The following TFR2 variants were observed in gnomAD, a reference collection of about 807,000 sequenced individuals.
TFR2 encodes the protein transferrin receptor 2.
TFR2 carries 64 observed loss-of-function variants against 91.9 expected under a neutral mutation model. The observed-to-expected ratio is 0.70, with a 90% CI of 0.57 to 0.86. The LOEUF (loss-of-function observed/expected upper bound fraction) is 0.86. TFR2 is among the 40% of genes least tolerant of loss of function. The pLI is 0.00. For missense variants in TFR2, 950 were observed against 1,080.5 expected (o/e 0.88, Z 1.69); for synonymous variants, 454 against 459.6 (o/e 0.99, Z 0.15).
At chr7:100,621,829 T>C (rs1803121504) in intron 17 of TFR2, among the ~76,000 whole-genome samples, 1 of 152,156 alleles carries the variant, frequency 6.6e-6, no homozygotes, top group African/African-American at 2.4e-5. Context: ...ACGGCCTTGC[T>C]CCTGACCTAA....
chr7:100,626,636 C>T, intron 17 of TFR2, 127 bp downstream of exon 17: 7 of 1,479,150 alleles, frequency 4.7e-6, no homozygotes, highest in Non-Finnish European at 6.3e-6. Flanking sequence ...GGGAAGAGAG[C>T]ATCCAGAGGA....
chr7:100,633,612 G>C, intron 3 of TFR2, 56 bp from the exon 4 acceptor site: 18 of 1,555,822 alleles, frequency 1.2e-5, no homozygotes, highest in Non-Finnish European at 1.6e-5. Flanking sequence ...GGAGGGAAGA[G>C]GGAAGGATGC....
intron 3 of TFR2, among the ~76,000 whole-genome samples, chr7:100,635,165 C>T (rs976815502): frequency 1.3e-5 from 2 of 151,982 alleles, no homozygotes; most frequent in African/African-American, 4.8e-5. Flanking sequence ...GTCTCAAACT[C>T]CTGGCCTCAG....
In TFR2 at chr7:100,631,031, G is replaced by A. The variant is rs1803417548; in HGVS notation, c.1128C>T (p.Ala376=). 1.9e-6 allele frequency: 3 copies of A among 1,592,936 alleles called. No individual in the cohort carries two copies. Reference sequence around the variant, plus strand: ...GGAGGCTCCCCTGCCATTCTTGGGGGGCCACAGGGCCTTTGAGCTTCCTGG... The same window carrying A: ...GGAGGCTCCCCTGCCATTCTTGGGGAGCCACAGGGCCTTTGAGCTTCCTGG... ...RLLRKLKGPV[A]PQEWQGSLLG... is the part of the protein sequence containing the mutation. Residue 376 remains alanine, a synonymous_variant, in exon 9 of 18, where the codon GCC becomes GCT. Coordinates refer to ENST00000223051, the MANE Select transcript of TFR2 (RefSeq NM_003227.4).
chr7:100,623,824 C>G (rs1336001559), intron 17 of TFR2, among the ~76,000 whole-genome samples: 1 of 137,080 alleles, frequency 7.3e-6, no homozygotes, highest in Non-Finnish European at 1.5e-5. Context: ...CTGAGGTGAG[C>G]AGATCACTTG....
Position 100,640,735 on chromosome 7 carries a change from C to A in TFR2, c.424G>T (p.Ala142Ser). The A allele has an allele frequency of 6.2e-7, 1 of 1,613,960 alleles. No homozygotes were observed. Among genetic ancestry groups the A allele is most frequent in the African/African-American group, 1.3e-5 (1 of 75,042 alleles). ...QGRLYWSDLQ[A>S]MFLQFLGEGR... is the part of the protein sequence containing the mutation. ...TCCCCCAGGAACTGCAGGAACATGG[C>A]CTGGAGGTCGCTCCAGTAGAGTCTG... The change falls in exon 3 of 18, where the codon GCC (alanine) becomes TCC (serine). Residue 142 changes from alanine to serine, a missense_variant. Transcript: ENST00000223051.
chr7:100,635,997 A>G (rs1319472657), intron 3 of TFR2, among the ~76,000 whole-genome samples: 2 of 152,160 alleles, frequency 1.3e-5, no homozygotes, highest in Non-Finnish European at 2.9e-5. Flanking sequence ...GTGGATTGTA[A>G]GCACCATGAG....
intron 17 of TFR2, among the ~76,000 whole-genome samples, chr7:100,625,059 CT>C (rs34968337): frequency 0.6 from 63,200 of 105,080 alleles, 17,529 homozygotes; most frequent in African/African-American, 0.73. Context: ...TTTTCTTTTT[CT>C]TTTTTTTTTT....
At chr7:100,631,644 GT>G (rs1262367204) in intron 8 of TFR2, 161 bp downstream of exon 8, 2 of 935,674 alleles carry the variant, frequency 2.1e-6, no homozygotes, top group Non-Finnish European at 3.1e-6. Flanking sequence ...AAAGGTCAGG[GT>G]CTCTCTGTCT....
At chr7:100,640,349 C>T (rs1281392095) in intron 3 of TFR2, 7 of 330,636 alleles carry the variant, frequency 2.1e-5, no homozygotes, top group East Asian at 1.8e-4. Flanking sequence ...AACCCCTCAG[C>T]GCTCCCTGCT....
intron 6 of TFR2, chr7:100,632,750 T>C: frequency 2.8e-6 from 1 of 357,474 alleles, no homozygotes; most frequent in Admixed American, 4.4e-5. Context: ...TTTTTTTTTT[T>C]TTTTTTTTTA....
chr7:100,634,203 C>CACAT (rs1049472016), intron 3 of TFR2, among the ~76,000 whole-genome samples: 6 of 127,906 alleles, frequency 4.7e-5, no homozygotes, highest in Non-Finnish European at 9.1e-5. Context: ...CACACACACA[C>CACAT]ACACACACAC....
At chr7:100,637,546 A>T (rs1803598883) in intron 3 of TFR2, among the ~76,000 whole-genome samples, 1 of 152,214 alleles carries the variant, frequency 6.6e-6, no homozygotes, top group Admixed American at 6.5e-5. Flanking sequence ...GTGAGCTAAG[A>T]TCATGCCACT....
At chr7:100,622,424 GC>G (rs1453901293) in intron 17 of TFR2, among the ~76,000 whole-genome samples, 1 of 152,186 alleles carries the variant, frequency 6.6e-6, no homozygotes, top group African/African-American at 2.4e-5. Context: ...CACTCATGTG[GC>G]CCATGGCTTT....
At chr7:100,626,498 G>T in intron 17 of TFR2, 1 of 1,346,016 alleles carries the variant, frequency 7.4e-7, no homozygotes, top group Non-Finnish European at 9.6e-7. Flanking sequence ...AGGGTGGATT[G>T]TCCCAGTTCT....
intron 17 of TFR2, among the ~76,000 whole-genome samples, chr7:100,625,043 TTTTC>T (rs1176991007): frequency 2.3e-5 from 3 of 129,894 alleles, no homozygotes; most frequent in East Asian, 4.6e-4. Context: ...TCATGCATCT[TTTTC>T]TTTTTCTTTT....
At chr7:100,632,807 G>A in intron 6 of TFR2, 194 bp downstream of exon 6, 1 of 737,510 alleles carries the variant, frequency 1.4e-6, no homozygotes, top group Non-Finnish European at 2.2e-6. Context: ...CTGGCCTCAA[G>A]CGATCCTCCT....
chr7:100,636,050 C>CTTAG (rs1803566343), intron 3 of TFR2, among the ~76,000 whole-genome samples: 1 of 152,094 alleles, frequency 6.6e-6, no homozygotes, highest in Admixed American at 6.6e-5. Context: ...CCACCACCTG[C>CTTAG]TTAGCTTAGT....
At chr7:100,633,149 C>T (rs372758419) in intron 5 of TFR2, 26 bp from the exon 6 acceptor site, 37 of 1,613,038 alleles carry the variant, frequency 2.3e-5, no homozygotes, top group Non-Finnish European at 2.9e-5. Context: ...CGGTGAGGCG[C>T]GCTCCCCGCG....
Sources: gnomAD v4.1 joint callset for allele counts (sites outside exome capture counted in the v4.1 genomes callset) on GRCh38, gnomAD v4.1.1 for gene constraint, MANE v1.5 for transcripts, NCBI Gene and HGNC (gene_info 2026-07-23, HGNC 2026-07-21) for gene names.